Variants in CPS1 observed in about 807,000 individuals in gnomAD.
The protein encoded by CPS1 is carbamoyl-phosphate synthase [ammonia], mitochondrial.
CPS1 carries 109 observed loss-of-function variants against 174.6 expected under a neutral mutation model. The ratio of observed to expected loss-of-function variants is 0.62; its 90% CI spans 0.53 to 0.73. The LOEUF (loss-of-function observed/expected upper bound fraction) is 0.73, where lower values mean the gene tolerates loss of function less well. Among genes scored for constraint, CPS1 ranks in the 30% least tolerant of loss-of-function variants. The pLI, the probability that CPS1 is intolerant of heterozygous loss-of-function variation, is 0.00. For missense variants in CPS1, 1,689 were observed against 1,821.9 expected (o/e 0.93, Z 1.33); for synonymous variants, 637 against 632.0 (o/e 1.01, Z -0.12).
chr2:210,514,755 G>T (rs971438581), intron 1 of CPS1, among the ~76,000 whole-genome samples: 22 of 145,792 alleles, frequency 1.5e-4, no homozygotes, highest in African/African-American at 5.0e-4. Flanking sequence ...AGGCATCCTT[G>T]TCTTGTTCCA....
At chr2:210,541,632 A>G (rs891745812) in intron 1 of CPS1, among the ~76,000 whole-genome samples, 1 of 152,182 alleles carries the variant, frequency 6.6e-6, no homozygotes, top group Non-Finnish European at 1.5e-5. Flanking sequence ...AGTACTATTA[A>G]GCCCTAAAAA....
chr2:210,514,323 T>C (rs1403112983), intron 1 of CPS1, among the ~76,000 whole-genome samples: 1 of 152,070 alleles, frequency 6.6e-6, no homozygotes, highest in Non-Finnish European at 1.5e-5. Context: ...GAACATAAAA[T>C]GTTTTTCCAT....
At chr2:210,585,703 C>T (rs141159903) in intron 6 of CPS1, among the ~76,000 whole-genome samples, 52 of 152,036 alleles carry the variant, frequency 3.4e-4, no homozygotes, top group African/African-American at 1.3e-3. Flanking sequence ...TAGTAACCAT[C>T]CTTATACTAC....
chr2:210,678,022 T>A lies in CPS1; in HGVS notation c.*37T>A, dbSNP rs755007296. 1 of 1,436,518 alleles carries A rather than the reference T, an allele frequency of 7.0e-7. No homozygotes were observed. The highest frequency in any genetic ancestry group is 9.8e-7 in the Non-Finnish European group (1 of 1,018,056). The allele number at this position is 1,436,518 out of a possible 1,614,324, so 89.0% of individuals were successfully genotyped here. ...CCCCAGCCCCATTATTAAATCAACC[T>A]GAGCCACATGTTATCTAAAGGAACT... On this transcript the variant is annotated 3_prime_UTR_variant, in exon 38 of 38. Coordinates refer to ENST00000233072, the MANE Select transcript of CPS1 (RefSeq NM_001875.5).
intron 19 of CPS1, among the ~76,000 whole-genome samples, chr2:210,610,180 C>T (rs565322350): frequency 1.3e-5 from 2 of 152,024 alleles, no homozygotes; most frequent in Non-Finnish European, 2.9e-5. Context: ...ATTTAGTTTA[C>T]ATTTCATGGG....
intron 21 of CPS1, among the ~76,000 whole-genome samples, chr2:210,624,673 A>G (rs1302656820): frequency 6.6e-6 from 1 of 152,058 alleles, no homozygotes; most frequent in Non-Finnish European, 1.5e-5. Flanking sequence ...TTTACATCAA[A>G]TATTTAATGT....
chr2:210,575,248 C>T (rs868369215), intron 2 of CPS1, among the ~76,000 whole-genome samples: 1 of 151,998 alleles, frequency 6.6e-6, no homozygotes, highest in Non-Finnish European at 1.5e-5. Flanking sequence ...CTACTGCCTG[C>T]GTTAAACTTT....
intron 1 of CPS1, among the ~76,000 whole-genome samples, chr2:210,509,862 A>G (rs946438779): frequency 1.4e-4 from 21 of 152,186 alleles, no homozygotes; most frequent in African/African-American, 4.8e-4. Context: ...ACCACTGCTC[A>G]ATGAAAATAA....
chr2:210,570,393 A>G (rs1697435378), intron 1 of CPS1, among the ~76,000 whole-genome samples: 1 of 151,998 alleles, frequency 6.6e-6, no homozygotes, highest in Non-Finnish European at 1.5e-5. Context: ...AATACCAAAC[A>G]GAATTGTAGG....
rs534234620 is a variant in CPS1, at chr2:210,568,490, T to C, written c.127-4808T>C. Among the ~76,000 whole-genome samples, 8 of 152,178 alleles carry C rather than the reference T, an allele frequency of 5.3e-5. No individual in the cohort carries two copies. The East Asian group carries it at 1.4e-3, about 26-fold the overall frequency. On this transcript the variant is annotated intron_variant, in intron 1 of 37. Transcript: ENST00000233072. ...GCAGGTGATGATGGGATTTTTGTCT[T>C]GGGTGGCCATGCAATTTCATATAGT...
intron 15 of CPS1, among the ~76,000 whole-genome samples, chr2:210,601,989 G>A (rs1467568931): frequency 1.3e-5 from 2 of 149,810 alleles, no homozygotes; most frequent in Non-Finnish European, 3.0e-5. Flanking sequence ...TTTCTTAGAA[G>A]ATATATATAT....
chr2:210,659,059 C>T (rs1016332817), intron 31 of CPS1, among the ~76,000 whole-genome samples: 6 of 152,134 alleles, frequency 3.9e-5, no homozygotes, highest in East Asian at 3.9e-4. Context: ...TACCCAGAGA[C>T]GATACCATTT....
chr2:210,610,590 G>A (rs1229049142), intron 19 of CPS1, among the ~76,000 whole-genome samples: 3 of 151,870 alleles, frequency 2.0e-5, no homozygotes, highest in African/African-American at 7.2e-5. Flanking sequence ...GCCCATTATA[G>A]TCATTCCACT....
At chr2:210,536,964 G>A (rs1696272240) in intron 1 of CPS1, among the ~76,000 whole-genome samples, 1 of 152,174 alleles carries the variant, frequency 6.6e-6, no homozygotes, top group Admixed American at 6.5e-5. Context: ...AACATAATCA[G>A]TTGAAAGTCA....
chr2:210,612,396 G>T, intron 20 of CPS1, 103 bp downstream of exon 20: 1 of 1,306,230 alleles, frequency 7.7e-7, no homozygotes, highest in Non-Finnish European at 1.1e-6. Flanking sequence ...TTAAATCAGG[G>T]ATTTTTGGAA....
chr2:210,624,530 A>G (rs1051009547), intron 21 of CPS1, among the ~76,000 whole-genome samples: 1 of 152,074 alleles, frequency 6.6e-6, no homozygotes, highest in Non-Finnish European at 1.5e-5. Context: ...CTGTGAACTA[A>G]TGCCAAAAAT....
intron 13 of CPS1, among the ~76,000 whole-genome samples, chr2:210,596,089 A>G (rs1698472394): frequency 6.6e-6 from 1 of 151,924 alleles, no homozygotes; most frequent in Non-Finnish European, 1.5e-5. Context: ...CAGTTCTCCC[A>G]TCAGTGCCTG....
chr2:210,595,800 C>T (rs1235627990), intron 13 of CPS1, among the ~76,000 whole-genome samples: 1 of 151,884 alleles, frequency 6.6e-6, no homozygotes, highest in African/African-American at 2.4e-5. Context: ...AGGTTAATCT[C>T]CAAAATTATT....
At chr2:210,589,060 C>T (rs1020434678) in intron 7 of CPS1, among the ~76,000 whole-genome samples, 2 of 151,998 alleles carry the variant, frequency 1.3e-5, no homozygotes, top group African/African-American at 4.8e-5. Flanking sequence ...GAGTAGCCCC[C>T]AACCAAAGCA....
Sources: allele counts gnomAD v4.1 joint callset (sites outside exome capture counted in the v4.1 genomes callset), GRCh38; gene constraint gnomAD v4.1.1; transcripts MANE v1.5; gene names NCBI Gene and HGNC (gene_info 2026-07-23, HGNC 2026-07-21).